The following ST7 variants were observed in gnomAD, a reference collection of about 807,000 sequenced individuals.
ST7 encodes suppression of tumorigenicity 7, also known as suppressor of tumorigenicity 7 protein.
In ST7, 28 loss-of-function variants were observed where a neutral mutation model predicts 78.7. The ratio of observed to expected loss-of-function variants is 0.36; its 90% CI spans 0.26 to 0.49. The LOEUF (loss-of-function observed/expected upper bound fraction) is 0.49. ST7 is among the 20% of genes least tolerant of loss of function. The probability of loss-of-function intolerance (pLI) is 0.99; values close to 1 mark genes in which losing one functional copy is unlikely to be tolerated. For synonymous variants in ST7, 247 were observed against 249.6 expected, an observed-to-expected ratio of 0.99 and a Z score of 0.10; for missense variants, 418 against 696.0, an observed-to-expected ratio of 0.60 and a Z score of 4.49.
At chr7:116,962,021 T>G (rs1792862455) in intron 1 of ST7, among the ~76,000 whole-genome samples, 1 of 151,908 alleles carries the variant, frequency 6.6e-6, no homozygotes. Context: ...GACTTATGAG[T>G]GAGAACATGC....
intron 12 of ST7, among the ~76,000 whole-genome samples, chr7:117,192,301 G>T (rs1283617023): frequency 2.0e-5 from 3 of 152,070 alleles, no homozygotes; most frequent in African/African-American, 7.2e-5. Context: ...CATAAATAAG[G>T]CTCTTTTAGA....
At chr7:116,985,918 C>T (rs1438180336) in intron 1 of ST7, among the ~76,000 whole-genome samples, 3 of 152,266 alleles carry the variant, frequency 2.0e-5, no homozygotes, top group African/African-American at 2.4e-5. Context: ...TTGCAACCTC[C>T]GCCTCCCAGG....
chr7:116,974,129 C>T (rs573740636), intron 1 of ST7, among the ~76,000 whole-genome samples: 5 of 152,206 alleles, frequency 3.3e-5, no homozygotes, highest in African/African-American at 7.2e-5. Flanking sequence ...TGACCTGTGA[C>T]GTGTGTGTCT....
intron 2 of ST7, among the ~76,000 whole-genome samples, chr7:117,111,623 T>G (rs1802438202): frequency 6.6e-6 from 1 of 152,216 alleles, no homozygotes; most frequent in Non-Finnish European, 1.5e-5. Flanking sequence ...TCCCTTTTAG[T>G]TCCTATGCCT....
chr7:117,070,442 G>C (rs1798869494), intron 1 of ST7, among the ~76,000 whole-genome samples: 1 of 152,190 alleles, frequency 6.6e-6, no homozygotes, highest in Admixed American at 6.5e-5. Flanking sequence ...GGGGGAAATG[G>C]AGAGTTGTGA....
At chr7:117,156,010 C>A (rs1806660749) in intron 9 of ST7, among the ~76,000 whole-genome samples, 1 of 152,198 alleles carries the variant, frequency 6.6e-6, no homozygotes, top group African/African-American at 2.4e-5. Context: ...ACCTTGCAAT[C>A]CTACCTTCCC....
At position 117,136,108 on chromosome 7, in the gene ST7, T is replaced by C. The variant is rs1399798109; in HGVS notation, c.738T>C (p.Ala246=). 1 of 1,613,298 alleles carries C rather than the reference T, an allele frequency of 6.2e-7. No individual in the cohort carries two copies. The highest frequency in any genetic ancestry group is 8.5e-7 in the Non-Finnish European group (1 of 1,179,552). ...GTGCAACTGCTTATATTCTCTTGGC[T>C]GAAGAGGAAGCAACAACCATTGCTG... The part of the protein sequence containing the change: ...PKCATAYILL[A]EEEATTIAEA... The change falls in exon 8 of 16, where the codon GCT becomes GCC. Residue 246 remains alanine (A), a synonymous_variant. Coordinates refer to ENST00000323984, the MANE Select transcript of ST7 (RefSeq NM_001369598.1).
intron 2 of ST7, among the ~76,000 whole-genome samples, chr7:117,103,242 A>AC (rs1563083193): frequency 6.6e-6 from 1 of 152,164 alleles, no homozygotes; most frequent in African/African-American, 2.4e-5. Context: ...TTACAGAAAT[A>AC]GAAAAAAAAA....
intron 1 of ST7, among the ~76,000 whole-genome samples, chr7:116,977,852 C>T (rs779335387): frequency 1.3e-5 from 2 of 152,122 alleles, no homozygotes; most frequent in Admixed American, 6.5e-5. Flanking sequence ...CGCGCCCGGC[C>T]GAGTGGTGGT....
intron 1 of ST7, among the ~76,000 whole-genome samples, chr7:117,018,198 T>A (rs908083630): frequency 2.0e-5 from 3 of 152,224 alleles, no homozygotes; most frequent in Non-Finnish European, 4.4e-5. Context: ...TTTTCCCTCT[T>A]GCCTTTCTGA....
rs1809699774 is a variant in ST7 at position 117,190,759 on chromosome 7, A to G, written c.1152-75A>G. ...GGCTCACTGTGGTTTTATGGGCCCT[A>G]GATGTGTAGATGCTTCCGGGTTGAT... On this transcript the variant is annotated intron_variant, in intron 11 of 15. Coordinates refer to ENST00000323984, the MANE Select transcript of ST7 (RefSeq NM_001369598.1). This position sits in a 1 kb window ranked among gnomAD's most constrained non-coding sequence, Gnocchi z 5.2. 1 of 1,185,556 alleles carries G rather than the reference A, an allele frequency of 8.4e-7. No individual in the cohort carries two copies. The highest frequency in any genetic ancestry group is 1.3e-6 in the Non-Finnish European group (1 of 798,882). The allele number at this position is 1,185,556 out of a possible 1,614,324, so 73.4% of individuals were successfully genotyped here. A position where few individuals can be genotyped will look rare whatever the true frequency, so the allele number is the denominator to read the frequency against.
chr7:117,104,616 A>T (rs1249167443), intron 2 of ST7, among the ~76,000 whole-genome samples: 1 of 152,238 alleles, frequency 6.6e-6, no homozygotes, highest in Non-Finnish European at 1.5e-5. Context: ...CACTTCTTGG[A>T]TATATATCCA....
chr7:116,961,167 A>G (rs936088756), intron 1 of ST7, among the ~76,000 whole-genome samples: 5 of 152,080 alleles, frequency 3.3e-5, no homozygotes, highest in African/African-American at 9.7e-5. Flanking sequence ...CCATTGGTCT[A>G]TGTGTCTGTT....
intron 1 of ST7, among the ~76,000 whole-genome samples, chr7:117,095,843 G>A (rs927790617): frequency 7.2e-5 from 11 of 151,914 alleles, no homozygotes; most frequent in Admixed American, 3.9e-4. Context: ...CGAGGTGGGC[G>A]GATCACCTGA....
intron 3 of ST7, 121 bp downstream of exon 3, chr7:117,119,841 G>T (rs1803216263): frequency 1.7e-6 from 2 of 1,205,078 alleles, no homozygotes; most frequent in Non-Finnish European, 2.3e-6. Context: ...GAAAAATGCA[G>T]ATCATTTTCC....
At chr7:117,022,165 G>C (rs887716038) in intron 1 of ST7, among the ~76,000 whole-genome samples, 2 of 152,180 alleles carry the variant, frequency 1.3e-5, no homozygotes, top group Non-Finnish European at 2.9e-5. Context: ...CCTATGCGCT[G>C]TATGGTATGT....
chr7:116,972,898 G>A, intron 1 of ST7: 1 of 1,337,124 alleles, frequency 7.5e-7, no homozygotes, highest in Non-Finnish European at 1.1e-6. Context: ...CTCGATGGTG[G>A]TGATCCCAGC....
chr7:116,968,493 C>T (rs1480907938), intron 1 of ST7: 1 of 434,282 alleles, frequency 2.3e-6, no homozygotes. Context: ...GGGTGTGCGC[C>T]ACCATGCCTG....
intron 1 of ST7, among the ~76,000 whole-genome samples, chr7:117,017,623 G>A (rs1180606296): frequency 6.6e-6 from 1 of 152,072 alleles, no homozygotes; most frequent in Admixed American, 6.5e-5. Flanking sequence ...TGTATTATAT[G>A]ACTTTTTTTT....
Sources: allele counts gnomAD v4.1 joint callset (sites outside exome capture counted in the v4.1 genomes callset), GRCh38; gene constraint gnomAD v4.1.1; non-coding constraint Gnocchi (gnomAD v3.1); transcripts MANE v1.5; gene names NCBI Gene and HGNC (gene_info 2026-07-23, HGNC 2026-07-21).